The following TMEM132C variants were observed in gnomAD, a reference collection of about 807,000 sequenced individuals.
TMEM132C encodes the protein transmembrane protein 132C.
TMEM132C carries 29 observed loss-of-function variants against 61.4 expected under a neutral mutation model. That is an observed-to-expected ratio of 0.47 (90% confidence interval 0.35 to 0.64). The LOEUF (loss-of-function observed/expected upper bound fraction) is 0.64. Ranked by LOEUF, TMEM132C falls within the 30% of genes least tolerant of loss-of-function variation. TMEM132C has a pLI of 0.00. For synonymous variants in TMEM132C, 656 were observed against 633.1 expected, an observed-to-expected ratio of 1.04 and a Z score of -0.54; for missense variants, 1,408 against 1,476.9, an observed-to-expected ratio of 0.95 and a Z score of 0.76.
At chr12:128,561,896 A>C (rs1874533782) in intron 3 of TMEM132C, among the ~76,000 whole-genome samples, 1 of 152,158 alleles carries the variant, frequency 6.6e-6, no homozygotes, top group Admixed American at 6.5e-5. Context: ...TGTTGATATG[A>C]TTCAAGATGG....
At chr12:128,531,882 G>C (rs1744082118) in intron 2 of TMEM132C, among the ~76,000 whole-genome samples, 1 of 152,196 alleles carries the variant, frequency 6.6e-6, no homozygotes, top group Non-Finnish European at 1.5e-5. Context: ...TAAAGCTGCT[G>C]CTGGAGTAAG....
At chr12:128,332,906 C>A (rs186896645) in intron 1 of TMEM132C, among the ~76,000 whole-genome samples, 1 of 152,294 alleles carries the variant, frequency 6.6e-6, no homozygotes, top group East Asian at 1.9e-4. Flanking sequence ...AGACCTCCAC[C>A]CTCCAGACAG....
At chr12:128,306,655 GT>G (rs1406269072) in intron 1 of TMEM132C, among the ~76,000 whole-genome samples, 2 of 152,154 alleles carry the variant, frequency 1.3e-5, no homozygotes, top group Non-Finnish European at 2.9e-5. Flanking sequence ...GTTATTTTTA[GT>G]GTCCTGTTTT....
intron 1 of TMEM132C, among the ~76,000 whole-genome samples, chr12:128,317,153 C>T (rs1872178860): frequency 6.6e-6 from 1 of 152,138 alleles, no homozygotes; most frequent in South Asian, 2.1e-4. Flanking sequence ...AGACTCTTAT[C>T]TTCTCTACTG....
chr12:128,555,818 G>A (rs145002412), intron 3 of TMEM132C, among the ~76,000 whole-genome samples: 21 of 151,864 alleles, frequency 1.4e-4, no homozygotes, highest in African/African-American at 4.4e-4. Context: ...GGGTTCAGGT[G>A]ATCCTCCCAT....
intron 1 of TMEM132C, among the ~76,000 whole-genome samples, chr12:128,301,977 C>T (rs111370298): frequency 0.087 from 13,281 of 152,176 alleles, 691 homozygotes; most frequent in African/African-American, 0.13. Context: ...ATGAGACTTA[C>T]TTACTACCAC....
At chr12:128,523,496 G>T (rs1186691902) in intron 2 of TMEM132C, among the ~76,000 whole-genome samples, 1 of 152,132 alleles carries the variant, frequency 6.6e-6, no homozygotes. Context: ...TCTGGAGACA[G>T]AACTAGATTC....
intron 3 of TMEM132C, among the ~76,000 whole-genome samples, chr12:128,602,536 G>C (rs550267910): frequency 6.6e-6 from 1 of 152,212 alleles, no homozygotes; most frequent in East Asian, 1.9e-4. Flanking sequence ...CCCTCTTGTG[G>C]CTTCCTTCAC....
At chr12:128,446,416 G>A (rs10847620) in intron 2 of TMEM132C, among the ~76,000 whole-genome samples, 40,561 of 152,136 alleles carry the variant, frequency 0.27, 7,989 homozygotes, top group African/African-American at 0.56. Flanking sequence ...AATGCCAAGC[G>A]TCTTCCGTAA....
At chr12:128,677,450 G>A (rs1219188779) in intron 5 of TMEM132C, among the ~76,000 whole-genome samples, 1 of 152,116 alleles carries the variant, frequency 6.6e-6, no homozygotes, top group Non-Finnish European at 1.5e-5. Context: ...ACATGAATAG[G>A]ACACTGCTGG....
chr12:128,591,067 G>A (rs1274306330), intron 3 of TMEM132C, among the ~76,000 whole-genome samples: 1 of 152,158 alleles, frequency 6.6e-6, no homozygotes, highest in African/African-American at 2.4e-5. Context: ...ATAGTCATGA[G>A]CCACTGCAGC....
At chr12:128,371,947 A>G (rs1019909378) in intron 1 of TMEM132C, among the ~76,000 whole-genome samples, 5 of 152,214 alleles carry the variant, frequency 3.3e-5, no homozygotes, top group Non-Finnish European at 7.3e-5. Context: ...CATTAAGTGT[A>G]CAATTCAGTG....
intron 1 of TMEM132C, among the ~76,000 whole-genome samples, chr12:128,357,446 C>G: frequency 6.6e-6 from 1 of 152,182 alleles, no homozygotes; most frequent in Admixed American, 6.5e-5. Flanking sequence ...CCTGTAATCT[C>G]AGCAGTTTGG....
chr12:128,503,234 T>A (rs1355304030), intron 2 of TMEM132C, among the ~76,000 whole-genome samples: 1 of 152,264 alleles, frequency 6.6e-6, no homozygotes, highest in Non-Finnish European at 1.5e-5. Flanking sequence ...ACATTATCTA[T>A]GCATGGGGCT....
intron 2 of TMEM132C, among the ~76,000 whole-genome samples, chr12:128,478,022 A>T (rs1487257239): frequency 6.6e-6 from 1 of 152,214 alleles, no homozygotes; most frequent in Non-Finnish European, 1.5e-5. Context: ...TCTCACTAGG[A>T]CTTCAAGCCA....
At chr12:128,421,978 C>T (rs1417893341) in intron 2 of TMEM132C, among the ~76,000 whole-genome samples, 1 of 152,172 alleles carries the variant, frequency 6.6e-6, no homozygotes, top group Non-Finnish European at 1.5e-5. Flanking sequence ...AACCAAATGC[C>T]TAATATCAAA....
In TMEM132C at chr12:128,335,962, T is replaced by C. The variant is rs368012956; in HGVS notation, c.85+68475T>C. 2.6e-5 allele frequency among the ~76,000 whole-genome samples: 4 copies of C among 152,244 alleles called. No individual in the cohort carries two copies. In the East Asian group the frequency reaches 7.7e-4, roughly 29 times the overall value. ...TCTTAAAGATCTAATCCTTAATTAT[T>C]CACAGTCCTTTATCCCAGCTCATTA... is the stretch of plus-strand genomic sequence containing the variant. On this transcript the variant is annotated intron_variant, in intron 1 of 8. Transcript: ENST00000435159.
chr12:128,690,454 G>A (rs544411880), intron 5 of TMEM132C, among the ~76,000 whole-genome samples: 6 of 152,196 alleles, frequency 3.9e-5, no homozygotes, highest in African/African-American at 1.4e-4. Flanking sequence ...AGTGACGATG[G>A]CTCTATCATG....
intron 3 of TMEM132C, among the ~76,000 whole-genome samples, chr12:128,583,397 A>G (rs1875420300): frequency 6.6e-6 from 1 of 152,110 alleles, no homozygotes; most frequent in African/African-American, 2.4e-5. Flanking sequence ...TTGGTCAAAA[A>G]AAAAAAAAAG....
Sources: gnomAD v4.1 joint callset for allele counts (sites outside exome capture counted in the v4.1 genomes callset) on GRCh38, gnomAD v4.1.1 for gene constraint, MANE v1.5 for transcripts, NCBI Gene and HGNC (gene_info 2026-07-23, HGNC 2026-07-21) for gene names.